PRKAG2: variants seen among roughly 807,000 people sequenced by gnomAD.
PRKAG2 encodes 5'-AMP-activated protein kinase subunit gamma-2.
A neutral mutation model predicts 69.6 loss-of-function variants in PRKAG2; 26 were observed. That is an observed-to-expected ratio of 0.37 (90% CI 0.27 to 0.52). PRKAG2 has a LOEUF of 0.52. Ranked by LOEUF, PRKAG2 falls within the 20% of genes least tolerant of loss-of-function variation. The probability of loss-of-function intolerance (pLI) is 0.90; values close to 1 mark genes in which losing one functional copy is unlikely to be tolerated. For synonymous variants in PRKAG2, 293 were observed against 285.0 expected, an observed-to-expected ratio of 1.03 and a Z score of -0.28; for missense variants, 557 against 740.0, an observed-to-expected ratio of 0.75 and a Z score of 2.87.
chr7:151,706,333 A>C (rs1417658604), intron 3 of PRKAG2, among the ~76,000 whole-genome samples: 1 of 152,226 alleles, frequency 6.6e-6, no homozygotes, highest in Non-Finnish European at 1.5e-5. Context: ...AAGGCTGCAG[A>C]GAGACCCACT....
chr7:151,586,458 C>A (rs1171440619), intron 6 of PRKAG2, among the ~76,000 whole-genome samples: 1 of 152,154 alleles, frequency 6.6e-6, no homozygotes, highest in Non-Finnish European at 1.5e-5. Context: ...TCTCTGGCCT[C>A]CGAAATCAGA....
At position 151,776,552 on chromosome 7, in the gene PRKAG2, T is replaced by A. The variant is rs571249919; in HGVS notation, c.466+4600A>T. Among the ~76,000 whole-genome samples the A allele has an allele frequency of 5.9e-5, 9 of 152,340 alleles. No individual in the cohort carries two copies. The East Asian group carries it at 1.4e-3, about 23-fold the overall frequency. On this transcript the variant is annotated intron_variant, in intron 3 of 15. Coordinates refer to ENST00000287878, the MANE Select transcript of PRKAG2 (RefSeq NM_016203.4). Reference sequence around the variant, plus strand: ...AAGAGCTGCAGTGCCTGACTCCCTGTGTCCCAAGGGAGGGCCCAGGCCCCG... The same window carrying A: ...AAGAGCTGCAGTGCCTGACTCCCTGAGTCCCAAGGGAGGGCCCAGGCCCCG...
At chr7:151,740,182 C>T (rs1586200635) in intron 3 of PRKAG2, among the ~76,000 whole-genome samples, 2 of 152,244 alleles carry the variant, frequency 1.3e-5, no homozygotes, top group Admixed American at 6.5e-5. Context: ...CAGGCTCCTC[C>T]TCCCGGGCTG....
intron 4 of PRKAG2, among the ~76,000 whole-genome samples, chr7:151,659,897 G>A (rs1830057136): frequency 6.6e-6 from 1 of 152,150 alleles, no homozygotes. Context: ...CACGGCTCAT[G>A]CGAAATTATT....
At chr7:151,651,026 C>T (rs1279720405) in intron 4 of PRKAG2, among the ~76,000 whole-genome samples, 1 of 152,092 alleles carries the variant, frequency 6.6e-6, no homozygotes, top group East Asian at 1.9e-4. Flanking sequence ...GAGCCTGTCA[C>T]TGCAAGGAAA....
At chr7:151,656,582 G>C (rs1239805054) in intron 4 of PRKAG2, among the ~76,000 whole-genome samples, 2 of 152,056 alleles carry the variant, frequency 1.3e-5, no homozygotes, top group African/African-American at 4.8e-5. Context: ...CAAACCCCAG[G>C]ATTTATTCCA....
intron 3 of PRKAG2, among the ~76,000 whole-genome samples, chr7:151,737,265 G>C (rs1167689582): frequency 1.3e-5 from 2 of 151,908 alleles, no homozygotes; most frequent in East Asian, 3.9e-4. Context: ...CAGCACTTTG[G>C]GAGGCTGAGG....
chr7:151,817,262 T>C (rs2151860741), intron 1 of PRKAG2, among the ~76,000 whole-genome samples: 1 of 152,324 alleles, frequency 6.6e-6, no homozygotes, highest in South Asian at 2.1e-4. Flanking sequence ...TTTTGGTGCA[T>C]GGGGCTGGTG....
chr7:151,578,566 C>T (rs1265877849), intron 6 of PRKAG2, among the ~76,000 whole-genome samples: 1 of 152,186 alleles, frequency 6.6e-6, no homozygotes, highest in Non-Finnish European at 1.5e-5. Context: ...TGAGGGAGCT[C>T]ATCAATTATT....
In PRKAG2 at chr7:151,557,189, C is replaced by T. The variant is rs768516073; in HGVS notation, c.*12G>A. The T allele has an allele frequency of 6.2e-6, 10 of 1,614,056 alleles. No individual in the cohort carries two copies. The highest frequency in any genetic ancestry group is 7.6e-6 in the Non-Finnish European group (9 of 1,180,032). Reference sequence around the variant, plus strand: ...TCAAGTTCTCCTCCTAGGGCGTCTACATTCACGGCGGTCACTCCGTTTCTG... The same window carrying T: ...TCAAGTTCTCCTCCTAGGGCGTCTATATTCACGGCGGTCACTCCGTTTCTG... On this transcript the variant is annotated 3_prime_UTR_variant, in exon 16 of 16. Transcript: ENST00000287878.
chr7:151,626,311 C>T (rs1822893257), intron 5 of PRKAG2, among the ~76,000 whole-genome samples: 1 of 152,172 alleles, frequency 6.6e-6, no homozygotes, highest in Non-Finnish European at 1.5e-5. Context: ...GGAGACACCA[C>T]CAAATGTGAA....
chr7:151,615,794 G>A (rs1008812719), intron 5 of PRKAG2, among the ~76,000 whole-genome samples: 2 of 152,152 alleles, frequency 1.3e-5, no homozygotes, highest in African/African-American at 2.4e-5. Flanking sequence ...CATACACATG[G>A]CTAACAAGAA....
At chr7:151,875,057 C>A (rs970324220) in intron 1 of PRKAG2, among the ~76,000 whole-genome samples, 5 of 152,234 alleles carry the variant, frequency 3.3e-5, no homozygotes, top group African/African-American at 1.2e-4. Context: ...GCAGCAACAT[C>A]TAACTTTTAA....
chr7:151,675,731 G>C (rs1832824054), intron 3 of PRKAG2, 94 bp from the exon 4 acceptor site: 3 of 1,260,472 alleles, frequency 2.4e-6, no homozygotes, highest in Non-Finnish European at 2.3e-6. Flanking sequence ...AGGGAGATGG[G>C]GAGAGGTCAG....
rs1288414866 is a variant in PRKAG2 at position 151,781,431 on chromosome 7, C to T, written c.187G>A (p.Val63Met). 1.2e-6 allele frequency: 2 copies of T among 1,604,174 alleles called. No homozygotes were observed. Among genetic ancestry groups the T allele is most frequent in the Non-Finnish European group, 1.7e-6 (2 of 1,175,868 alleles). The change falls in exon 3 of 16, where the codon GTG (valine) becomes ATG (methionine). Residue 63 changes from valine (V) to methionine (M), a missense_variant and splice_region_variant. Physicochemically the swap from Val to Met is conservative, Grantham distance 21. Coordinates refer to ENST00000287878, the MANE Select transcript of PRKAG2 (RefSeq NM_016203.4). This position sits in a 1 kb window ranked among gnomAD's most constrained non-coding sequence, Gnocchi z 6.1. ...EGSGKHSSRKVDSPFGPGSPS... is the reference protein window; with the variant it reads ...EGSGKHSSRKMDSPFGPGSPS... ...CTGCCCGGGCCGAAGGGGCTGTCCA[C>T]CTGCAGAAAAACAGACGAATGGATG...
intron 3 of PRKAG2, among the ~76,000 whole-genome samples, chr7:151,748,064 G>A (rs2074411103): frequency 6.6e-6 from 1 of 151,854 alleles, no homozygotes; most frequent in South Asian, 2.1e-4. Context: ...GGTACTACAG[G>A]CACGTGCCAC....
intron 14 of PRKAG2, among the ~76,000 whole-genome samples, chr7:151,560,919 A>C (rs1804809328): frequency 6.6e-6 from 1 of 152,156 alleles, no homozygotes; most frequent in Admixed American, 6.6e-5. Context: ...TCTCAGAAAA[A>C]GAAAAAAGCA....
At chr7:151,591,119 G>A (rs995659300) in intron 6 of PRKAG2, among the ~76,000 whole-genome samples, 5 of 152,246 alleles carry the variant, frequency 3.3e-5, no homozygotes, top group Non-Finnish European at 7.3e-5. Context: ...ATGTACAGGT[G>A]AGGGGCCCCT....
At chr7:151,725,134 C>G (rs1797724376) in intron 3 of PRKAG2, among the ~76,000 whole-genome samples, 1 of 152,166 alleles carries the variant, frequency 6.6e-6, no homozygotes. Context: ...AGGCGAGAAG[C>G]AACCCACGTG....
Sources: allele counts gnomAD v4.1 joint callset (sites outside exome capture counted in the v4.1 genomes callset), GRCh38; gene constraint gnomAD v4.1.1; non-coding constraint Gnocchi (gnomAD v3.1); transcripts MANE v1.5; gene names NCBI Gene and HGNC (gene_info 2026-07-23, HGNC 2026-07-21).